Variants in XYLT1 observed in about 807,000 individuals in gnomAD.
XYLT1 encodes the protein xylosyltransferase 1.
In XYLT1, 36 loss-of-function variants were observed where a neutral mutation model predicts 91.3. The observed-to-expected ratio is 0.39, with a 90% confidence interval of 0.30 to 0.52. XYLT1 has a LOEUF of 0.52. Ranked by LOEUF, XYLT1 falls within the 20% of genes least tolerant of loss-of-function variation. The pLI is 0.68. For synonymous variants in XYLT1, 588 were observed against 532.0 expected (o/e 1.11, Z -1.45); for missense variants, 1,242 against 1,284.5 (o/e 0.97, Z 0.51).
At position 17,117,738 on chromosome 16, in the gene XYLT1, G is replaced by A; in HGVS notation, c.2465C>T (p.Thr822Ile). 1 of 1,614,178 alleles carries A rather than the reference G, an allele frequency of 6.2e-7. No individual in the cohort carries two copies. The highest frequency in any genetic ancestry group is 8.5e-7 in the Non-Finnish European group (1 of 1,180,032). The change falls in exon 11 of 12, where the codon ACA becomes ATA. Residue 822 changes from threonine (T) to isoleucine (I), a missense_variant. Coordinates refer to ENST00000261381, the MANE Select transcript of XYLT1 (RefSeq NM_022166.4). Reference sequence around the variant, plus strand: ...CACCCAGTGGTGGAGAATTTTCACTGTCCAGACCCCAGGCCTCAGGGGCAA... The same window carrying A: ...CACCCAGTGGTGGAGAATTTTCACTATCCAGACCCCAGGCCTCAGGGGCAA... ...LNLPLRPGVW[T>I]VKILHHWVPV...
At chr16:17,401,352 A>T (rs113696303) in intron 1 of XYLT1, among the ~76,000 whole-genome samples, 82 of 152,250 alleles carry the variant, frequency 5.4e-4, no homozygotes, top group African/African-American at 1.7e-3. Flanking sequence ...TGCAAGTTCA[A>T]TCTCTGCCTA....
chr16:17,214,823 TCTC>T (rs1345675630), intron 3 of XYLT1, among the ~76,000 whole-genome samples: 3 of 152,214 alleles, frequency 2.0e-5, no homozygotes, highest in African/African-American at 7.2e-5. Context: ...CATTTTCTCT[TCTC>T]CTCTTTCCAA....
intron 3 of XYLT1, among the ~76,000 whole-genome samples, chr16:17,221,238 C>T (rs546576528): frequency 6.6e-6 from 1 of 152,258 alleles, no homozygotes; most frequent in South Asian, 2.1e-4. Flanking sequence ...AAAAACAGGT[C>T]TCTACTAAAA....
intron 8 of XYLT1, among the ~76,000 whole-genome samples, chr16:17,135,483 G>T (rs2030679426): frequency 6.6e-6 from 1 of 150,946 alleles, no homozygotes; most frequent in Admixed American, 6.6e-5. Context: ...GACTGCCGCT[G>T]CACTCCAGCC....
chr16:17,137,173 CAGGCACAAAA>C (rs1292692079), intron 8 of XYLT1, among the ~76,000 whole-genome samples: 1 of 152,100 alleles, frequency 6.6e-6, no homozygotes, highest in Non-Finnish European at 1.5e-5. Context: ...TGCATTCATA[CAGGCACAAAA>C]ACCAGGAAGG....
chr16:17,197,216 C>T (rs2032447100), intron 5 of XYLT1, among the ~76,000 whole-genome samples: 2 of 151,960 alleles, frequency 1.3e-5, no homozygotes, highest in Admixed American at 1.3e-4. Flanking sequence ...CTGTTCCTCG[C>T]ACAGGCCAGG....
chr16:17,408,800 A>G (rs776937739), intron 1 of XYLT1, among the ~76,000 whole-genome samples: 3 of 152,164 alleles, frequency 2.0e-5, no homozygotes, highest in African/African-American at 4.8e-5. Context: ...GACCCAAGAG[A>G]TCGCACCATT....
chr16:17,242,059 C>A (rs773569748), intron 3 of XYLT1, among the ~76,000 whole-genome samples: 3 of 152,118 alleles, frequency 2.0e-5, no homozygotes, highest in African/African-American at 7.2e-5. Context: ...ACTTATTCAC[C>A]ATCATAAGAA....
intron 2 of XYLT1, among the ~76,000 whole-genome samples, chr16:17,329,259 A>G (rs867189471): frequency 6.6e-6 from 1 of 152,198 alleles, no homozygotes; most frequent in Non-Finnish European, 1.5e-5. Flanking sequence ...CACAAGGAAC[A>G]TGGGCTCTGG....
At chr16:17,193,312 A>G (rs1254421926) in intron 5 of XYLT1, 1 of 152,186 alleles carries the variant, frequency 6.6e-6, no homozygotes, top group Non-Finnish European at 1.5e-5. Context: ...GAAACTTCCT[A>G]AGAACCCTCC....
At chr16:17,306,688 A>T (rs986539709) in intron 2 of XYLT1, among the ~76,000 whole-genome samples, 7 of 152,154 alleles carry the variant, frequency 4.6e-5, no homozygotes, top group African/African-American at 1.7e-4. Flanking sequence ...AAATCTTTTT[A>T]TATACATGAA....
At chr16:17,430,920 G>C (rs2036382375) in intron 1 of XYLT1, among the ~76,000 whole-genome samples, 1 of 152,108 alleles carries the variant, frequency 6.6e-6, no homozygotes, top group South Asian at 2.1e-4. Context: ...GCTGAAAAAA[G>C]AAATGTAGAA....
At chr16:17,114,827 A>AT (rs11424722) in intron 11 of XYLT1, among the ~76,000 whole-genome samples, 144,230 of 151,514 alleles carry the variant, frequency 0.95, 68,704 homozygotes, top group Middle Eastern at 0.98. Context: ...GGAACATACA[A>AT]TTTTTTTTTC....
intron 3 of XYLT1, among the ~76,000 whole-genome samples, chr16:17,223,200 C>T (rs904926881): frequency 1.3e-5 from 2 of 152,210 alleles, no homozygotes; most frequent in African/African-American, 4.8e-5. Flanking sequence ...CTGTCAGATG[C>T]ACAGTCGCAC....
At chr16:17,383,805 T>A (rs911509189) in intron 1 of XYLT1, among the ~76,000 whole-genome samples, 2 of 147,590 alleles carry the variant, frequency 1.4e-5, no homozygotes, top group Non-Finnish European at 3.0e-5. Flanking sequence ...CAGAGTGCAA[T>A]GGCAAGATCT....
At chr16:17,167,010 G>A (rs565129800) in intron 5 of XYLT1, among the ~76,000 whole-genome samples, 14 of 152,268 alleles carry the variant, frequency 9.2e-5, no homozygotes, top group African/African-American at 2.9e-4. Context: ...TTAAGTGCTC[G>A]TCCTCCTTAA....
At chr16:17,209,794 C>G (rs141806963) in intron 3 of XYLT1, among the ~76,000 whole-genome samples, 16 of 152,356 alleles carry the variant, frequency 1.1e-4, no homozygotes, top group Admixed American at 3.9e-4. Context: ...TGTGACTCCG[C>G]GGACCTCGCC....
At chr16:17,205,962 T>A (rs1273388490) in intron 3 of XYLT1, among the ~76,000 whole-genome samples, 3 of 152,034 alleles carry the variant, frequency 2.0e-5, no homozygotes, top group African/African-American at 7.2e-5. Context: ...GAAACAAGGT[T>A]GTATGCAAAT....
chr16:17,103,664 A>G lies in XYLT1; in HGVS notation c.*5031T>C, dbSNP rs571869442. On this transcript the variant is annotated 3_prime_UTR_variant, in exon 12 of 12. Transcript: ENST00000261381. ...GAAGCAAGTTGGAGGAACATGAGGG[A>G]TGGAGTAGATGACGTTAGGGAGGGG... 6.6e-6 allele frequency: 1 copy of G among 152,254 alleles called. No individual in the cohort carries two copies. The highest frequency in any genetic ancestry group is 1.9e-4 in the East Asian group (1 of 5,160). The allele number at this position is 152,254 out of a possible 1,614,324, so 9.4% of individuals were successfully genotyped here. A position where few individuals can be genotyped will look rare whatever the true frequency, so the allele number is the denominator to read the frequency against.
Sources: gnomAD v4.1 joint callset for allele counts (sites outside exome capture counted in the v4.1 genomes callset) on GRCh38, gnomAD v4.1.1 for gene constraint, MANE v1.5 for transcripts, NCBI Gene and HGNC (gene_info 2026-07-23, HGNC 2026-07-21) for gene names.